The following AFF4 variants were observed in gnomAD, a reference collection of about 807,000 sequenced individuals.
AFF4 encodes AF4/FMR2 family member 4.
Under a neutral mutation model 124.8 loss-of-function variants are expected in AFF4, and 13 were observed. The ratio of observed to expected loss-of-function variants is 0.10; its 90% CI spans 0.07 to 0.17. The LOEUF (loss-of-function observed/expected upper bound fraction) is 0.17, where lower values mean the gene tolerates loss of function less well. AFF4 is among the 10% of genes least tolerant of loss of function. The pLI is 1.00. For synonymous variants in AFF4, 477 were observed against 496.1 expected (o/e 0.96, Z 0.51); for missense variants, 1,092 against 1,403.8 (o/e 0.78, Z 3.55).
At chr5:132,886,645 T>A (rs984299782) in intron 17 of AFF4, among the ~76,000 whole-genome samples, 1 of 152,290 alleles carries the variant, frequency 6.6e-6, no homozygotes, top group East Asian at 1.9e-4. Context: ...AATCCAAACC[T>A]TATCCATAGG....
At position 132,932,239 on chromosome 5, in the gene AFF4, GCA is replaced by G; in HGVS notation, c.919-19_919-18del. ...AGCTGATGCCTTGAAAGAAAAAGCA[GCA>G]CACATTAGATTTTTATCAGTAGATT... On this transcript the variant is annotated intron_variant, in intron 3 of 20. Coordinates refer to ENST00000265343, the MANE Select transcript of AFF4 (RefSeq NM_014423.4). 6.3e-7 allele frequency: 1 copy of G among 1,599,274 alleles called. No individual in the cohort carries two copies. The highest frequency in any genetic ancestry group is 8.5e-7 in the Non-Finnish European group (1 of 1,173,012).
intron 5 of AFF4, chr5:132,926,254 T>C (rs758201901): frequency 6.3e-6 from 3 of 475,368 alleles, no homozygotes; most frequent in Admixed American, 2.2e-5. Flanking sequence ...GGGGACGGAA[T>C]TGGGGAAAGG....
chr5:132,911,501 A>G (rs2150082538), intron 5 of AFF4, among the ~76,000 whole-genome samples: 1 of 152,192 alleles, frequency 6.6e-6, no homozygotes, highest in Non-Finnish European at 1.5e-5. Context: ...GTGAACCTAA[A>G]GACACAGCAA....
chr5:132,891,590 TTAGC>T (rs755809412), intron 13 of AFF4, among the ~76,000 whole-genome samples: 2 of 152,212 alleles, frequency 1.3e-5, no homozygotes, highest in Non-Finnish European at 2.9e-5. Flanking sequence ...CAGTGCTAAC[TTAGC>T]TAAAGATTTC....
chr5:132,929,249 C>T (rs866837450), intron 4 of AFF4, among the ~76,000 whole-genome samples: 1 of 152,040 alleles, frequency 6.6e-6, no homozygotes, highest in Non-Finnish European at 1.5e-5. Flanking sequence ...TTTTATATCT[C>T]AAATATCAAA....
intron 3 of AFF4, 81 bp downstream of exon 3, chr5:132,934,066 G>A: frequency 2.1e-6 from 3 of 1,436,638 alleles, no homozygotes; most frequent in Non-Finnish European, 1.9e-6. Context: ...AGGAAGCAGT[G>A]TTCAAGTTCA....
chr5:132,946,713 A>ATGAT (rs1353615137), intron 1 of AFF4, among the ~76,000 whole-genome samples: 1 of 152,184 alleles, frequency 6.6e-6, no homozygotes, highest in Non-Finnish European at 1.5e-5. Context: ...GACAGTATTG[A>ATGAT]TGATTGTACA....
intron 1 of AFF4, among the ~76,000 whole-genome samples, chr5:132,961,932 C>T (rs1177659362): frequency 1.3e-5 from 2 of 152,068 alleles, no homozygotes; most frequent in Non-Finnish European, 2.9e-5. Flanking sequence ...AAATAACTTA[C>T]TGGGAATTTT....
chr5:132,881,263 A>G (rs1759971094), intron 20 of AFF4, 77 bp from the exon 21 acceptor site: 7 of 1,490,422 alleles, frequency 4.7e-6, no homozygotes, highest in Non-Finnish European at 6.3e-6. Flanking sequence ...TAGAGATTAT[A>G]AAACAGCATT....
At chr5:132,892,976 A>T (rs1376987684) in intron 12 of AFF4, 54 bp downstream of exon 12, 13 of 1,535,120 alleles carry the variant, frequency 8.5e-6, no homozygotes, top group Middle Eastern at 1.7e-4. Context: ...ACCCACTATC[A>T]AATGATATAC....
chr5:132,885,092 A>ATGG lies in AFF4; in HGVS notation c.3124_3126dup (p.Pro1042dup). Reference sequence around the variant, plus strand: ...TTTACCTACCTTCCCAAGCCAGGCGATGGTGCTTGAGAATTATTATAAGAA... The same window carrying ATGG: ...TTTACCTACCTTCCCAAGCCAGGCGATGGTGGTGCTTGAGAATTATTATAAGAA... On this transcript the variant is annotated inframe_insertion, in exon 19 of 21. Coordinates refer to ENST00000265343, the MANE Select transcript of AFF4 (RefSeq NM_014423.4). The ATGG allele has an allele frequency of 6.3e-7, 1 of 1,596,944 alleles. No homozygotes were observed. Among genetic ancestry groups the ATGG allele is most frequent in the Non-Finnish European group, 8.5e-7 (1 of 1,172,892 alleles).
At chr5:132,915,364 T>C (rs1760885572) in intron 5 of AFF4, among the ~76,000 whole-genome samples, 1 of 150,824 alleles carries the variant, frequency 6.6e-6, no homozygotes, top group South Asian at 2.1e-4. Flanking sequence ...AAAGAAAAAA[T>C]ACCATTTCTA....
chr5:132,923,136 A>AC (rs1424417432), intron 5 of AFF4, among the ~76,000 whole-genome samples: 5 of 152,218 alleles, frequency 3.3e-5, no homozygotes, highest in Non-Finnish European at 5.9e-5. Context: ...AGATTGCACC[A>AC]CTGCACTCCA....
intron 7 of AFF4, among the ~76,000 whole-genome samples, chr5:132,900,327 T>C (rs1760518052): frequency 6.6e-6 from 1 of 152,128 alleles, no homozygotes; most frequent in Non-Finnish European, 1.5e-5. Context: ...GAGGCTGAGG[T>C]TGGCGGATCA....
Position 132,898,297 on chromosome 5 carries a change from T to G in AFF4, c.1322A>C (p.Asp441Ala). Residue 441 changes from aspartate to alanine, a missense_variant, in exon 10 of 21, where the codon GAC becomes GCC. By Grantham distance (126) the Asp-to-Ala change is moderately radical. Transcript: ENST00000265343. The part of the protein sequence containing the change: ...HSGSESSSGS[D>A]SESESSSSDS... ...ACTGGAACTACTTTCACTCTCTGAGTCAGATCCAGAGCTGCTTTCAGATCC... is the reference window on the plus strand; with the variant it reads ...ACTGGAACTACTTTCACTCTCTGAGGCAGATCCAGAGCTGCTTTCAGATCC... The G allele has an allele frequency of 6.2e-7, 1 of 1,614,192 alleles. No individual in the cohort carries two copies. Among genetic ancestry groups the G allele is most frequent in the South Asian group, 1.1e-5 (1 of 91,086 alleles).
intron 1 of AFF4, among the ~76,000 whole-genome samples, chr5:132,944,687 T>G (rs974987014): frequency 6.6e-6 from 1 of 151,664 alleles, no homozygotes; most frequent in African/African-American, 2.4e-5. Flanking sequence ...TCCCAGCACT[T>G]TGGAGGCTGA....
At position 132,876,131 on chromosome 5, in the gene AFF4, C is replaced by T. The variant is rs1221774871; in HGVS notation, c.*4928G>A. 1 of 231,190 alleles carries T rather than the reference C, an allele frequency of 4.3e-6. No homozygotes were observed. Among genetic ancestry groups the T allele is most frequent in the Non-Finnish European group, 8.6e-6 (1 of 116,856 alleles). 14.3% of individuals were successfully genotyped at this position (231,190 alleles called of 1,614,324 possible). A position where few individuals can be genotyped will look rare whatever the true frequency, so the allele number is the denominator to read the frequency against. The stretch of plus-strand genomic sequence containing the variant: ...TTCATAACTGTGCTTACCAACCCCA[C>T]AACTGGCCCTTAAAGGTGGTGCCTT... On this transcript the variant is annotated 3_prime_UTR_variant, in exon 21 of 21. Transcript: ENST00000265343.
In AFF4 at chr5:132,937,539, G is replaced by A. The variant is rs1435956610; in HGVS notation, c.-4-346C>T. 8.1e-5 allele frequency: 13 copies of A among 160,776 alleles called. No homozygotes were observed. The South Asian group carries it at 1.3e-3, about 16-fold the overall frequency. 10.0% of individuals were successfully genotyped at this position (160,776 alleles called of 1,614,324 possible). ...ACAAATCCTCAGTATTTCCTTTTGG[G>A]CCCTCCTCTTCAGAAATCTGCCTAT... is the stretch of plus-strand genomic sequence containing the variant. On this transcript the variant is annotated intron_variant, in intron 1 of 20. Coordinates refer to ENST00000265343, the MANE Select transcript of AFF4 (RefSeq NM_014423.4).
intron 1 of AFF4, among the ~76,000 whole-genome samples, chr5:132,944,565 T>G (rs1056211375): frequency 3.3e-5 from 5 of 152,112 alleles, no homozygotes; most frequent in Non-Finnish European, 7.4e-5. Flanking sequence ...GGGGAATGCT[T>G]GAGCCTGAGA....
Sources: allele counts gnomAD v4.1 joint callset (sites outside exome capture counted in the v4.1 genomes callset), GRCh38; gene constraint gnomAD v4.1.1; transcripts MANE v1.5; gene names NCBI Gene and HGNC (gene_info 2026-07-23, HGNC 2026-07-21).